The following GLIS3 variants were observed in gnomAD, a reference collection of about 807,000 sequenced individuals.
GLIS3 encodes zinc finger protein GLIS3.
Under a neutral mutation model 78.6 loss-of-function variants are expected in GLIS3, and 53 were observed. The observed-to-expected ratio is 0.67, with a 90% CI of 0.54 to 0.85. GLIS3 has a LOEUF of 0.85. GLIS3 is among the 40% of genes least tolerant of loss of function. GLIS3 has a pLI of 0.00. For synonymous variants in GLIS3, 684 were observed against 509.9 expected, an observed-to-expected ratio of 1.34 and a Z score of -4.60; for missense variants, 1,703 against 1,231.1, an observed-to-expected ratio of 1.38 and a Z score of -5.74.
At chr9:4,457,494 T>C in the GLIS3 span, among the ~76,000 whole-genome samples, 1 of 152,230 alleles carries the variant, frequency 6.6e-6, no homozygotes, top group Middle Eastern at 3.4e-3. Flanking sequence ...CTCTGTGGAC[T>C]TGTTTTGGGT....
intron 6 of GLIS3, among the ~76,000 whole-genome samples, chr9:3,927,517 G>T (rs1825334847): frequency 6.6e-6 from 1 of 152,166 alleles, no homozygotes; most frequent in African/African-American, 2.4e-5. Flanking sequence ...GTATTCTAAA[G>T]CGCACACCTC....
chr9:4,330,202 G>C (rs1162240720), intron 2 of GLIS3, among the ~76,000 whole-genome samples: 1 of 152,210 alleles, frequency 6.6e-6, no homozygotes, highest in Non-Finnish European at 1.5e-5. Flanking sequence ...TTTGCCAGTA[G>C]AAGGAAAGGA....
At chr9:3,877,296 A>C (rs1001524366) in intron 8 of GLIS3, among the ~76,000 whole-genome samples, 10 of 152,258 alleles carry the variant, frequency 6.6e-5, no homozygotes, top group African/African-American at 2.4e-4. Context: ...AAGTGGAAGA[A>C]AAGATTTTCT....
At chr9:3,884,910 A>G (rs1821971380) in intron 7 of GLIS3, among the ~76,000 whole-genome samples, 2 of 152,026 alleles carry the variant, frequency 1.3e-5, no homozygotes, top group South Asian at 4.1e-4. Context: ...GCCCCTGAAC[A>G]CTCTGTTTGC....
chr9:4,305,179 T>C (rs1420099782), intron 4 of GLIS3: 1 of 152,218 alleles, frequency 6.6e-6, no homozygotes, highest in Non-Finnish European at 1.5e-5. Context: ...AACTTCTACC[T>C]ATTAACCATT....
intron 6 of GLIS3, among the ~76,000 whole-genome samples, chr9:3,908,168 A>G (rs1478856443): frequency 6.6e-6 from 1 of 152,214 alleles, no homozygotes; most frequent in Non-Finnish European, 1.5e-5. Flanking sequence ...CTTATGCCCA[A>G]CTTCCCTGAC....
chr9:4,275,824 C>G (rs145767049), intron 2 of GLIS3, among the ~76,000 whole-genome samples: 32 of 152,208 alleles, frequency 2.1e-4, no homozygotes, highest in African/African-American at 6.0e-4. Context: ...AATGAGATCA[C>G]CAGCAAACTG....
chr9:3,906,552 A>G (rs1222120389), intron 6 of GLIS3, among the ~76,000 whole-genome samples: 1 of 152,176 alleles, frequency 6.6e-6, no homozygotes, highest in African/African-American at 2.4e-5. Flanking sequence ...ATGTGTTAAC[A>G]CTGAGATGAC....
intron 4 of GLIS3, among the ~76,000 whole-genome samples, chr9:3,955,394 A>C (rs868374703): frequency 6.6e-6 from 1 of 152,208 alleles, no homozygotes; most frequent in Non-Finnish European, 1.5e-5. Flanking sequence ...GAGAAATAAA[A>C]AATGCCTGAA....
chr9:3,849,345 C>T (rs1003644105), intron 9 of GLIS3, among the ~76,000 whole-genome samples: 51 of 152,318 alleles, frequency 3.3e-4, no homozygotes, highest in African/African-American at 1.1e-3. Context: ...ACGGAATCTC[C>T]GTTTTGTTAA....
chr9:4,198,186 A>G (rs1462473268), intron 2 of GLIS3, among the ~76,000 whole-genome samples: 1 of 152,180 alleles, frequency 6.6e-6, no homozygotes, highest in African/African-American at 2.4e-5. Flanking sequence ...CAGATAAAGA[A>G]TTCAAAGCAT....
At chr9:3,985,740 T>C (rs1164160922) in intron 4 of GLIS3, among the ~76,000 whole-genome samples, 1 of 152,194 alleles carries the variant, frequency 6.6e-6, no homozygotes, top group Admixed American at 6.5e-5. Flanking sequence ...AAATCTAAGA[T>C]TGGGAAAGAA....
chr9:3,922,862 T>C (rs1011993031), intron 6 of GLIS3, among the ~76,000 whole-genome samples: 1 of 152,018 alleles, frequency 6.6e-6, no homozygotes, highest in Admixed American at 6.6e-5. Flanking sequence ...AACTTTATGG[T>C]TGGAAAGATT....
chr9:4,234,652 T>G (rs1428498408), intron 2 of GLIS3, among the ~76,000 whole-genome samples: 4 of 152,158 alleles, frequency 2.6e-5, no homozygotes, highest in Admixed American at 2.6e-4. Flanking sequence ...GAGCACATAC[T>G]GTTTGGAAAA....
chr9:3,850,711 G>C (rs150052820), intron 9 of GLIS3, among the ~76,000 whole-genome samples: 29 of 152,170 alleles, frequency 1.9e-4, no homozygotes, highest in Non-Finnish European at 3.1e-4. Flanking sequence ...TCGTGAGCTG[G>C]CCTTGTGAGT....
intron 2 of GLIS3, among the ~76,000 whole-genome samples, chr9:4,273,633 A>AAATG (rs780557311): frequency 3.6e-5 from 5 of 139,106 alleles, no homozygotes; most frequent in African/African-American, 5.1e-5. Flanking sequence ...ATAAATAAAT[A>AAATG]AATGTATTTT....
chr9:4,109,995 C>A (rs2130839817), intron 4 of GLIS3, among the ~76,000 whole-genome samples: 1 of 152,294 alleles, frequency 6.6e-6, no homozygotes, highest in African/African-American at 2.4e-5. Flanking sequence ...GTTTGCATAG[C>A]TGTATATCAC....
chr9:4,410,744 G>A, the GLIS3 span, among the ~76,000 whole-genome samples: 9 of 152,270 alleles, frequency 5.9e-5, no homozygotes, highest in South Asian at 2.1e-4. Context: ...ACTCTGATAG[G>A]TACTCTTTGG....
the GLIS3 span, among the ~76,000 whole-genome samples, chr9:4,428,958 T>A: frequency 1.3e-5 from 2 of 152,180 alleles, no homozygotes; most frequent in Non-Finnish European, 2.9e-5. Flanking sequence ...ACTTTCTAAA[T>A]ATCTGCCCAC....
Sources: gnomAD v4.1 joint callset for allele counts (sites outside exome capture counted in the v4.1 genomes callset) on GRCh38, gnomAD v4.1.1 for gene constraint, MANE v1.5 for transcripts, NCBI Gene and HGNC (gene_info 2026-07-23, HGNC 2026-07-21) for gene names.